SH3RF2: variants seen among roughly 807,000 people sequenced by gnomAD.
SH3RF2 encodes the protein E3 ubiquitin-protein ligase SH3RF2.
In SH3RF2, 43 loss-of-function variants were observed where a neutral mutation model predicts 59.0. The observed-to-expected ratio is 0.73, with a 90% CI of 0.57 to 0.94. The LOEUF (loss-of-function observed/expected upper bound fraction) is 0.94, where lower values mean the gene tolerates loss of function less well. Among genes scored for constraint, SH3RF2 ranks in the 40% least tolerant of loss-of-function variants. The pLI, the probability that SH3RF2 is intolerant of heterozygous loss-of-function variation, is 0.00. For missense variants in SH3RF2, 930 were observed against 940.1 expected, an observed-to-expected ratio of 0.99 and a Z score of 0.14; for synonymous variants, 391 against 391.5, an observed-to-expected ratio of 1.00 and a Z score of 0.01.
chr5:145,943,640 C>T lies in SH3RF2; in HGVS notation c.378+5334C>T, dbSNP rs186123088. Among the ~76,000 whole-genome samples the T allele has an allele frequency of 3.4e-3, 524 of 152,154 alleles. 2 individuals are homozygous for T. Among genetic ancestry groups the T allele is most frequent in the Non-Finnish European group, 5.7e-3 (387 of 67,996 alleles). ...TATCACTTAAGTGATCAGGGTAATC[C>T]CTGCAGTGGGTTCCTCCGTGTTGTA... On this transcript the variant is annotated intron_variant, in intron 2 of 9. Coordinates refer to ENST00000359120, the MANE Select transcript of SH3RF2 (RefSeq NM_152550.4).
chr5:146,047,556 G>A (rs143690302), intron 5 of SH3RF2, among the ~76,000 whole-genome samples: 81 of 152,118 alleles, frequency 5.3e-4, no homozygotes, highest in African/African-American at 2.0e-3. Context: ...TTGGAATGCA[G>A]TCCTGGCAAG....
chr5:146,058,438 G>T (rs1468913580), intron 8 of SH3RF2, among the ~76,000 whole-genome samples: 2 of 152,158 alleles, frequency 1.3e-5, no homozygotes, highest in African/African-American at 4.8e-5. Context: ...AATTGAAAGG[G>T]TCACACTTGT....
chr5:146,031,458 T>C (rs1372650035), intron 5 of SH3RF2, among the ~76,000 whole-genome samples: 2 of 152,150 alleles, frequency 1.3e-5, no homozygotes, highest in Non-Finnish European at 2.9e-5. Flanking sequence ...AGGAATCTGA[T>C]GAAAGAAAGA....
exon 10 of SH3RF2, chr5:146,078,961 T>G (rs1486800245): frequency 6.6e-6 from 1 of 152,254 alleles, no homozygotes; most frequent in Non-Finnish European, 1.5e-5. Flanking sequence ...CAATGTCCCC[T>G]AGCCATCACC....
chr5:146,037,404 C>T (rs542555680), intron 5 of SH3RF2, among the ~76,000 whole-genome samples: 4 of 152,312 alleles, frequency 2.6e-5, no homozygotes, highest in African/African-American at 7.2e-5. Flanking sequence ...ACTGTGACTG[C>T]TCCCATGGGG....
At chr5:146,036,186 C>T (rs867130220) in intron 5 of SH3RF2, among the ~76,000 whole-genome samples, 3 of 152,194 alleles carry the variant, frequency 2.0e-5, no homozygotes, top group Middle Eastern at 3.2e-3. Flanking sequence ...CCCATCCCAT[C>T]ACACTCTGCT....
intron 5 of SH3RF2, among the ~76,000 whole-genome samples, chr5:146,036,981 G>T (rs1761958385): frequency 6.6e-6 from 1 of 152,168 alleles, no homozygotes. Context: ...AGGCAATCTG[G>T]ACTGTGGTGG....
At chr5:146,027,739 T>G (rs933760631) in intron 5 of SH3RF2, among the ~76,000 whole-genome samples, 1 of 151,946 alleles carries the variant, frequency 6.6e-6, no homozygotes, top group Admixed American at 6.5e-5. Flanking sequence ...GTCAGCCAGG[T>G]GAAAAAAGGA....
exon 10 of SH3RF2, chr5:146,079,881 C>T (rs951440595): frequency 6.6e-6 from 1 of 152,188 alleles, no homozygotes; most frequent in African/African-American, 2.4e-5. Flanking sequence ...GTCTTCAAAG[C>T]CCTCTTAGTC....
At chr5:146,016,692 A>G (rs1457266214) in intron 5 of SH3RF2, among the ~76,000 whole-genome samples, 4 of 152,162 alleles carry the variant, frequency 2.6e-5, no homozygotes, top group Non-Finnish European at 5.9e-5. Context: ...TATGCTGTCA[A>G]CCAAGACCAC....
chr5:146,022,260 T>G (rs1761349177), intron 5 of SH3RF2, among the ~76,000 whole-genome samples: 1 of 152,212 alleles, frequency 6.6e-6, no homozygotes, highest in African/African-American at 2.4e-5. Flanking sequence ...CCGGCTGAAG[T>G]GCAGTGGCAT....
intron 2 of SH3RF2, among the ~76,000 whole-genome samples, chr5:145,980,409 C>G (rs1003386747): frequency 6.6e-6 from 1 of 152,136 alleles, no homozygotes; most frequent in East Asian, 1.9e-4. Flanking sequence ...ATGAATCTTT[C>G]CCATGACAGT....
intron 2 of SH3RF2, among the ~76,000 whole-genome samples, chr5:145,981,398 C>G (rs1268878297): frequency 6.6e-6 from 1 of 152,156 alleles, no homozygotes; most frequent in Non-Finnish European, 1.5e-5. Flanking sequence ...TGCACCCAGA[C>G]AGTCTCATAA....
At chr5:145,964,493 G>T (rs1457469692) in intron 2 of SH3RF2, among the ~76,000 whole-genome samples, 1 of 151,904 alleles carries the variant, frequency 6.6e-6, no homozygotes, top group African/African-American at 2.4e-5. Flanking sequence ...TTTTGGTAGA[G>T]ACAGGGTTTC....
chr5:145,938,410 C>A, intron 2 of SH3RF2, 104 bp downstream of exon 2: 1 of 1,329,470 alleles, frequency 7.5e-7, no homozygotes, highest in Non-Finnish European at 1.0e-6. Context: ...CAGAGTGCTG[C>A]TGTTGATTTC....
intron 2 of SH3RF2, among the ~76,000 whole-genome samples, chr5:145,994,119 G>C (rs1309123265): frequency 6.6e-6 from 1 of 152,208 alleles, no homozygotes; most frequent in African/African-American, 2.4e-5. Flanking sequence ...AATGCTGCCA[G>C]TCTCTTTGCT....
chr5:145,979,738 A>G lies in SH3RF2; in HGVS notation c.379-20320A>G, dbSNP rs565487754. On this transcript the variant is annotated intron_variant, in intron 2 of 9. Coordinates refer to ENST00000359120, the MANE Select transcript of SH3RF2 (RefSeq NM_152550.4). ...TCCTTATCTGTCAAATGGATGAATA[A>G]TAGCGTTTACCTCATAGGGATTGTT... Among the ~76,000 whole-genome samples the G allele has an allele frequency of 3.3e-5, 5 of 152,326 alleles. No individual in the cohort carries two copies. The South Asian group carries it at 1.0e-3, about 32-fold the overall frequency.
chr5:146,014,084 G>A, intron 5 of SH3RF2, 23 bp downstream of exon 5: 1 of 1,607,550 alleles, frequency 6.2e-7, no homozygotes, highest in Non-Finnish European at 8.5e-7. Flanking sequence ...CGCCTGGGAT[G>A]AGGGCACTTT....
chr5:146,004,975 A>G (rs997652316), intron 4 of SH3RF2, among the ~76,000 whole-genome samples: 3 of 152,182 alleles, frequency 2.0e-5, no homozygotes, highest in Admixed American at 1.3e-4. Context: ...AACTAGCTTT[A>G]TAAATATATA....
Sources: gnomAD v4.1 joint callset for allele counts (sites outside exome capture counted in the v4.1 genomes callset) on GRCh38, gnomAD v4.1.1 for gene constraint, MANE v1.5 for transcripts, NCBI Gene and HGNC (gene_info 2026-07-23, HGNC 2026-07-21) for gene names.